PLS1: variants seen among roughly 807,000 people sequenced by gnomAD.
The protein encoded by PLS1 is plastin 1.
In PLS1, 32 loss-of-function variants were observed where a neutral mutation model predicts 73.7. The observed-to-expected ratio is 0.43, with a 90% confidence interval of 0.33 to 0.58. PLS1 has a LOEUF of 0.58. Ranked by LOEUF, PLS1 falls within the 20% of genes least tolerant of loss-of-function variation. The probability of loss-of-function intolerance (pLI) is 0.04; values close to 1 mark genes in which losing one functional copy is unlikely to be tolerated. For missense variants in PLS1, 633 were observed against 740.5 expected, an observed-to-expected ratio of 0.85 and a Z score of 1.68; for synonymous variants, 217 against 261.3, an observed-to-expected ratio of 0.83 and a Z score of 1.63.
In PLS1 at chr3:142,701,890, G is replaced by A. The variant is rs182046556; in HGVS notation, c.1372-1978G>A. ...GGCTTTTTACTCTCCTGTACACAGTGTTAAATAATTCAAGTGCTAATGTTA... is the reference window on the plus strand; with the variant it reads ...GGCTTTTTACTCTCCTGTACACAGTATTAAATAATTCAAGTGCTAATGTTA... On this transcript the variant is annotated intron_variant, in intron 12 of 15. Coordinates refer to ENST00000457734, the MANE Select transcript of PLS1 (RefSeq NM_001145319.2). 7.2e-5 allele frequency among the ~76,000 whole-genome samples: 11 copies of A among 152,248 alleles called. No homozygotes were observed. The East Asian group carries it at 2.1e-3, about 29-fold the overall frequency.
chr3:142,659,980 G>C (rs895526804), intron 1 of PLS1, among the ~76,000 whole-genome samples: 7 of 152,060 alleles, frequency 4.6e-5, no homozygotes, highest in Non-Finnish European at 8.8e-5. Flanking sequence ...TATATATTTG[G>C]AAAGTTAAAG....
chr3:142,600,718 T>C lies in PLS1; in HGVS notation c.-37+4209T>C, dbSNP rs1217989124. 3.3e-5 allele frequency among the ~76,000 whole-genome samples: 5 copies of C among 151,354 alleles called. No homozygotes were observed. The East Asian group carries it at 9.8e-4, about 30-fold the overall frequency. On this transcript the variant is annotated intron_variant, in intron 1 of 15. Coordinates refer to ENST00000457734, the MANE Select transcript of PLS1 (RefSeq NM_001145319.2). The stretch of plus-strand genomic sequence containing the variant: ...GCTGTTGGATGCCACATCCTTGCCA[T>C]TGACTTGCACACTGTGGTTGACCAC...
chr3:142,670,579 G>A (rs1298938924), intron 3 of PLS1, among the ~76,000 whole-genome samples: 1 of 152,158 alleles, frequency 6.6e-6, no homozygotes, highest in African/African-American at 2.4e-5. Context: ...GGGAAAGGGA[G>A]TTTCTGTAAG....
At position 142,711,550 on chromosome 3, in the gene PLS1, T is replaced by C; in HGVS notation, c.1679T>C (p.Ile560Thr). Residue 560 changes from isoleucine to threonine, a missense_variant, in exon 15 of 16, where the codon ATT becomes ACT. By Grantham distance (89) the Ile-to-Thr change is moderately conservative. Coordinates refer to ENST00000457734, the MANE Select transcript of PLS1 (RefSeq NM_001145319.2). ...CCTGTCCTAGATTTAATAGATGCCATTGCACCAAATGCAGTTCGTCAAGAA... is the reference window on the plus strand; with the variant it reads ...CCTGTCCTAGATTTAATAGATGCCACTGCACCAAATGCAGTTCGTCAAGAA... Reference protein sequence around the residue: ...SLPVLDLIDAIAPNAVRQEMI... With the variant: ...SLPVLDLIDATAPNAVRQEMI... 1.2e-6 allele frequency: 2 copies of C among 1,603,282 alleles called. No individual in the cohort carries two copies. The highest frequency in any genetic ancestry group is 1.7e-6 in the Non-Finnish European group (2 of 1,170,816).
chr3:142,616,649 C>G (rs145815013), intron 1 of PLS1, among the ~76,000 whole-genome samples: 12 of 152,092 alleles, frequency 7.9e-5, no homozygotes, highest in African/African-American at 2.9e-4. Context: ...GCCACCCAGG[C>G]TGAAGTACAG....
chr3:142,683,070 C>G (rs1244233657), intron 6 of PLS1, among the ~76,000 whole-genome samples: 1 of 152,216 alleles, frequency 6.6e-6, no homozygotes, highest in Non-Finnish European at 1.5e-5. Context: ...TAAATCACTT[C>G]AGCACACTGT....
intron 1 of PLS1, among the ~76,000 whole-genome samples, chr3:142,643,825 A>ATTT (rs67216911): frequency 6.5e-5 from 8 of 122,920 alleles, no homozygotes; most frequent in African/African-American, 1.6e-4. Context: ...TCTTCATTTC[A>ATTT]TTTTTTTTTT....
At chr3:142,700,413 C>G (rs142114974) in intron 12 of PLS1, among the ~76,000 whole-genome samples, 10,698 of 152,108 alleles carry the variant, frequency 0.07, 1,229 homozygotes, top group African/African-American at 0.24. Context: ...AGCTCTGCCT[C>G]CCAGGTTCAT....
intron 1 of PLS1, among the ~76,000 whole-genome samples, chr3:142,637,264 G>T (rs964430877): frequency 2.0e-5 from 3 of 152,122 alleles, no homozygotes; most frequent in African/African-American, 7.2e-5. Context: ...TATGCTGACT[G>T]AAAGAAGCCA....
intron 1 of PLS1, among the ~76,000 whole-genome samples, chr3:142,660,147 G>T (rs149831082): frequency 1.0e-3 from 159 of 152,126 alleles, no homozygotes; most frequent in African/African-American, 3.2e-3. Flanking sequence ...TCTTAGAACA[G>T]TTTCAGGAAA....
intron 1 of PLS1, among the ~76,000 whole-genome samples, chr3:142,623,202 C>A (rs973426884): frequency 6.6e-6 from 1 of 152,132 alleles, no homozygotes; most frequent in Non-Finnish European, 1.5e-5. Context: ...TAGTCCCATT[C>A]CATAGGAAGA....
At chr3:142,703,775 A>G in intron 12 of PLS1, 93 bp from the exon 13 acceptor site, 1 of 722,318 alleles carries the variant, frequency 1.4e-6, no homozygotes. Context: ...AGGTGTCATC[A>G]TAATTGTTTT....
At chr3:142,629,564 T>G (rs2036508240) in intron 1 of PLS1, among the ~76,000 whole-genome samples, 1 of 152,096 alleles carries the variant, frequency 6.6e-6, no homozygotes, top group Admixed American at 6.6e-5. Context: ...TTAGCACACA[T>G]GGGTATGAGG....
At position 142,712,158 on chromosome 3, in the gene PLS1, G is replaced by A; in HGVS notation, c.*151G>A. On this transcript the variant is annotated 3_prime_UTR_variant, in exon 16 of 16. Transcript: ENST00000457734. ...TGAATTCAATATCCTGTTCATACTA[G>A]TTAGAGCTGGTCAGCCTTTTTGGGT... is the stretch of plus-strand genomic sequence containing the variant. 1 of 641,980 alleles carries A rather than the reference G, an allele frequency of 1.6e-6. No homozygotes were observed. The highest frequency in any genetic ancestry group is 2.6e-6 in the Non-Finnish European group (1 of 390,108). 39.8% of individuals were successfully genotyped at this position (641,980 alleles called of 1,614,324 possible).
intron 1 of PLS1, among the ~76,000 whole-genome samples, chr3:142,600,937 T>TTTTG (rs2035915040): frequency 9.0e-6 from 1 of 111,710 alleles, no homozygotes; most frequent in Non-Finnish European, 1.8e-5. Context: ...TTTTTTTTTT[T>TTTTG]TTTTGAGACG....
intron 1 of PLS1, among the ~76,000 whole-genome samples, chr3:142,654,074 T>G (rs1311280696): frequency 1.3e-5 from 2 of 152,204 alleles, no homozygotes; most frequent in Non-Finnish European, 1.5e-5. Flanking sequence ...TGGTGGCAAG[T>G]CTGACAGCCA....
chr3:142,693,413 T>G (rs2038127014), intron 10 of PLS1, among the ~76,000 whole-genome samples: 1 of 152,198 alleles, frequency 6.6e-6, no homozygotes, highest in Non-Finnish European at 1.5e-5. Flanking sequence ...ATTATAGATT[T>G]ATGTGCCAAA....
intron 1 of PLS1, among the ~76,000 whole-genome samples, chr3:142,644,649 A>T (rs2036915714): frequency 6.6e-6 from 1 of 152,008 alleles, no homozygotes; most frequent in African/African-American, 2.4e-5. Context: ...ATATAATTTT[A>T]CCCCTCAATC....
At chr3:142,686,491 G>T in intron 9 of PLS1, 115 bp downstream of exon 9, 1 of 698,458 alleles carries the variant, frequency 1.4e-6, no homozygotes, top group Non-Finnish European at 2.6e-6. Context: ...TTGCATTGTT[G>T]TGCAGCTATC....
Sources: allele counts gnomAD v4.1 joint callset (sites outside exome capture counted in the v4.1 genomes callset), GRCh38; gene constraint gnomAD v4.1.1; transcripts MANE v1.5; gene names NCBI Gene and HGNC (gene_info 2026-07-23, HGNC 2026-07-21).